SYNPR: variants seen among roughly 807,000 people sequenced by gnomAD.
SYNPR encodes the protein synaptoporin.
Under a neutral mutation model 32.9 loss-of-function variants are expected in SYNPR, and 23 were observed. The observed-to-expected ratio is 0.70, with a 90% CI of 0.50 to 0.99. SYNPR has a LOEUF of 0.99. SYNPR is among the 50% of genes least tolerant of loss of function. SYNPR has a pLI of 0.00. For synonymous variants in SYNPR, 146 were observed against 135.9 expected, an observed-to-expected ratio of 1.07 and a Z score of -0.52; for missense variants, 318 against 349.3, an observed-to-expected ratio of 0.91 and a Z score of 0.71.
chr3:63,615,232 A>G lies in SYNPR; in HGVS notation c.609A>G (p.Gly203=). Residue 203 remains glycine, a synonymous_variant, in exon 6 of 6, where the codon GGA becomes GGG. Transcript: ENST00000478300. ...CTTTGATTCTCCTTCAGGTCTTTGG[A>G]TTCTTGAACTTTATTCTCTGGGCTG... ...MSSLNTSVVF[G]FLNFILWAGN... The G allele has an allele frequency of 6.2e-7, 1 of 1,613,354 alleles. No homozygotes were observed. The highest frequency in any genetic ancestry group is 8.5e-7 in the Non-Finnish European group (1 of 1,179,582).
At chr3:63,291,455 A>G (rs2086737545) in intron 2 of SYNPR, among the ~76,000 whole-genome samples, 1 of 152,184 alleles carries the variant, frequency 6.6e-6, no homozygotes, top group East Asian at 1.9e-4. Context: ...TATCTGGGAA[A>G]TCTTTCCCAT....
chr3:63,308,491 G>A (rs1261237790), intron 2 of SYNPR, among the ~76,000 whole-genome samples: 4 of 151,796 alleles, frequency 2.6e-5, no homozygotes, highest in Non-Finnish European at 5.9e-5. Flanking sequence ...ATCTTTTGTA[G>A]TGTATGTCTG....
chr3:63,393,621 G>C (rs1208204929), intron 2 of SYNPR, among the ~76,000 whole-genome samples: 1 of 148,792 alleles, frequency 6.7e-6, no homozygotes, highest in Non-Finnish European at 1.5e-5. Context: ...CCTGAGCCTT[G>C]TGAGAAGCTG....
chr3:63,611,258 T>C (rs1700192875), intron 5 of SYNPR, among the ~76,000 whole-genome samples: 1 of 152,226 alleles, frequency 6.6e-6, no homozygotes, highest in East Asian at 1.9e-4. Flanking sequence ...AGATGTTCAG[T>C]ACCAAATAAT....
intron 4 of SYNPR, among the ~76,000 whole-genome samples, chr3:63,581,457 T>C (rs1703090652): frequency 6.6e-6 from 1 of 152,112 alleles, no homozygotes; most frequent in African/African-American, 2.4e-5. Flanking sequence ...AAAACATGCA[T>C]TTATCAAAAC....
chr3:63,354,583 C>G (rs1241766898), intron 2 of SYNPR, among the ~76,000 whole-genome samples: 1 of 152,168 alleles, frequency 6.6e-6, no homozygotes, highest in Non-Finnish European at 1.5e-5. Context: ...GGAAGAACTT[C>G]AAACTCACAA....
At chr3:63,538,421 T>C (rs1702244632) in intron 3 of SYNPR, among the ~76,000 whole-genome samples, 1 of 152,122 alleles carries the variant, frequency 6.6e-6, no homozygotes, top group African/African-American at 2.4e-5. Flanking sequence ...AATATTATTC[T>C]CGGTGGAGTC....
At chr3:63,568,764 A>G (rs546607617) in intron 4 of SYNPR, among the ~76,000 whole-genome samples, 1 of 152,240 alleles carries the variant, frequency 6.6e-6, no homozygotes, top group African/African-American at 2.4e-5. Context: ...ACCAAGAAGA[A>G]ATTGAGGCCC....
At chr3:63,266,762 C>A (rs923766225) in intron 2 of SYNPR, among the ~76,000 whole-genome samples, 1 of 151,364 alleles carries the variant, frequency 6.6e-6, no homozygotes, top group South Asian at 2.1e-4. Context: ...GTAGCATCCG[C>A]ATGTGTCTCA....
chr3:63,255,915 A>G (rs967711134), intron 2 of SYNPR, among the ~76,000 whole-genome samples: 1 of 152,256 alleles, frequency 6.6e-6, no homozygotes, highest in African/African-American at 2.4e-5. Flanking sequence ...GCACACCAGG[A>G]GACTATATGC....
At chr3:63,221,378 A>G in the SYNPR span, among the ~76,000 whole-genome samples, 9,059 of 152,156 alleles carry the variant, frequency 0.06, 353 homozygotes, top group Middle Eastern at 0.085. Flanking sequence ...ATTATACATG[A>G]TTCATTATAC....
chr3:63,606,163 T>C (rs1299473319), intron 4 of SYNPR, among the ~76,000 whole-genome samples: 1 of 152,146 alleles, frequency 6.6e-6, no homozygotes, highest in Non-Finnish European at 1.5e-5. Flanking sequence ...AGGTAGTAAG[T>C]GTCAAAGTAA....
At chr3:63,369,899 C>A (rs2087774611) in intron 2 of SYNPR, among the ~76,000 whole-genome samples, 1 of 152,176 alleles carries the variant, frequency 6.6e-6, no homozygotes, top group South Asian at 2.1e-4. Context: ...GAAGAATTTT[C>A]TTCCTCACCT....
upstream of SYNPR, among the ~76,000 whole-genome samples, chr3:63,224,260 C>G (rs1658100469): frequency 6.6e-6 from 1 of 152,114 alleles, no homozygotes; most frequent in Admixed American, 6.5e-5. Flanking sequence ...CTATTGTGAG[C>G]TATGCATGTG....
At chr3:63,290,846 T>A (rs10212098) in intron 2 of SYNPR, among the ~76,000 whole-genome samples, 129,081 of 152,170 alleles carry the variant, frequency 0.85, 55,343 homozygotes, top group African/African-American at 0.93. Context: ...AAGTTCTCAC[T>A]CATCCATCTG....
intron 2 of SYNPR, among the ~76,000 whole-genome samples, chr3:63,458,536 T>C (rs1700525156): frequency 6.6e-6 from 1 of 152,130 alleles, no homozygotes; most frequent in South Asian, 2.1e-4. Flanking sequence ...ATCACCAGGT[T>C]CTAAGCAAGC....
At chr3:63,440,245 T>C (rs954393638) in intron 2 of SYNPR, among the ~76,000 whole-genome samples, 16 of 152,070 alleles carry the variant, frequency 1.1e-4, no homozygotes, top group African/African-American at 3.6e-4. Flanking sequence ...GCAGAATAGC[T>C]AGCGCAAAGG....
At chr3:63,254,396 G>A (rs76339002) in intron 2 of SYNPR, among the ~76,000 whole-genome samples, 2,387 of 152,200 alleles carry the variant, frequency 0.016, 49 homozygotes, top group African/African-American at 0.053. Flanking sequence ...CTACTAGTAC[G>A]TCGTGAGATC....
chr3:63,304,352 GTT>G (rs913583264), intron 2 of SYNPR, among the ~76,000 whole-genome samples: 3 of 135,092 alleles, frequency 2.2e-5, no homozygotes, highest in Non-Finnish European at 4.7e-5. Context: ...GTGTGTGTGT[GTT>G]TGTGTGTGTG....
Sources: allele counts gnomAD v4.1 joint callset (sites outside exome capture counted in the v4.1 genomes callset), GRCh38; gene constraint gnomAD v4.1.1; transcripts MANE v1.5; gene names NCBI Gene and HGNC (gene_info 2026-07-23, HGNC 2026-07-21).